FAM135B: variants seen among roughly 807,000 people sequenced by gnomAD.
FAM135B encodes family with sequence similarity 135 member B.
FAM135B carries 43 observed loss-of-function variants against 127.7 expected under a neutral mutation model. The observed-to-expected ratio is 0.34, with a 90% confidence interval of 0.26 to 0.43. FAM135B has a LOEUF of 0.43. Ranked by LOEUF, FAM135B falls within the 20% of genes least tolerant of loss-of-function variation. The pLI is 1.00. For synonymous variants in FAM135B, 670 were observed against 665.1 expected (o/e 1.01, Z -0.11); for missense variants, 1,558 against 1,725.6 (o/e 0.90, Z 1.72).
chr8:138,282,986 C>T (rs917198401), intron 3 of FAM135B, among the ~76,000 whole-genome samples: 1 of 150,650 alleles, frequency 6.6e-6, no homozygotes, highest in African/African-American at 2.4e-5. Flanking sequence ...CTGCAACCTC[C>T]GCCTCCTGGG....
rs1816188831 is a variant in FAM135B at position 138,131,175 on chromosome 8, T to TG, written c.*1417_*1418insC. The TG allele has an allele frequency of 6.6e-6, 1 of 152,210 alleles. No individual in the cohort carries two copies. Among genetic ancestry groups the TG allele is most frequent in the Non-Finnish European group, 1.5e-5 (1 of 68,038 alleles). The allele number at this position is 152,210 out of a possible 1,614,324, so 9.4% of individuals were successfully genotyped here. ...CAGTGACCTAGAGTCATGGTCTAGG[T>TG]ATTGAGAACCCTGGTCCTAGATGCG... On this transcript the variant is annotated 3_prime_UTR_variant, in exon 20 of 20. Coordinates refer to ENST00000395297, the MANE Select transcript of FAM135B (RefSeq NM_015912.4).
chr8:138,279,909 CT>C (rs1824128048), intron 3 of FAM135B, among the ~76,000 whole-genome samples: 1 of 152,320 alleles, frequency 6.6e-6, no homozygotes, highest in African/African-American at 2.4e-5. Context: ...CAAATGAGCA[CT>C]TGAGTGTTAG....
chr8:138,213,759 A>C lies in FAM135B; in HGVS notation c.670-16090T>G, dbSNP rs142438395. Reference sequence around the variant, plus strand: ...GTACAAAGGAGGGAAAGTCCAATGAACTCACTTAGAAGTAGAGGGGAAGCA... The same window carrying C: ...GTACAAAGGAGGGAAAGTCCAATGACCTCACTTAGAAGTAGAGGGGAAGCA... On this transcript the variant is annotated intron_variant, in intron 7 of 19. Transcript: ENST00000395297. Among the ~76,000 whole-genome samples, 3 of 152,198 alleles carry C rather than the reference A, an allele frequency of 2.0e-5. No homozygotes were observed. The East Asian group carries it at 5.8e-4, about 29-fold the overall frequency.
At chr8:138,353,608 A>G (rs1455342226) in intron 2 of FAM135B, among the ~76,000 whole-genome samples, 2 of 152,188 alleles carry the variant, frequency 1.3e-5, no homozygotes, top group Non-Finnish European at 2.9e-5. Context: ...TTTAGACTTC[A>G]TAATACTGGC....
chr8:138,200,186 T>G (rs2131160042), intron 7 of FAM135B, among the ~76,000 whole-genome samples: 1 of 152,364 alleles, frequency 6.6e-6, no homozygotes, highest in Non-Finnish European at 1.5e-5. Context: ...GATTAAAAGC[T>G]TGTCAAATTC....
At chr8:138,454,795 C>T (rs1175562541) in intron 1 of FAM135B, among the ~76,000 whole-genome samples, 1 of 152,220 alleles carries the variant, frequency 6.6e-6, no homozygotes, top group Admixed American at 6.5e-5. Flanking sequence ...ACCTACTGTG[C>T]ACCAGGCATC....
chr8:138,145,599 G>A (rs1337714297), intron 15 of FAM135B, among the ~76,000 whole-genome samples: 1 of 152,152 alleles, frequency 6.6e-6, no homozygotes, highest in Non-Finnish European at 1.5e-5. Flanking sequence ...TCTGTGTACT[G>A]CATGGTGCAC....
chr8:138,200,759 T>C (rs1817055856), intron 7 of FAM135B, among the ~76,000 whole-genome samples: 1 of 152,244 alleles, frequency 6.6e-6, no homozygotes, highest in Non-Finnish European at 1.5e-5. Context: ...ACTTATAAGT[T>C]GGAGAATGCT....
At chr8:138,181,282 A>G (rs1815007202) in intron 9 of FAM135B, among the ~76,000 whole-genome samples, 1 of 152,172 alleles carries the variant, frequency 6.6e-6, no homozygotes, top group African/African-American at 2.4e-5. Context: ...TGAATGGGGA[A>G]TATGGCGGAC....
At chr8:138,270,771 A>G (rs1165895864) in intron 3 of FAM135B, among the ~76,000 whole-genome samples, 1 of 152,252 alleles carries the variant, frequency 6.6e-6, no homozygotes, top group Non-Finnish European at 1.5e-5. Flanking sequence ...CACCTCTTAC[A>G]GTTCTCACCT....
chr8:138,414,802 T>C (rs970586523), intron 1 of FAM135B, among the ~76,000 whole-genome samples: 21 of 152,038 alleles, frequency 1.4e-4, no homozygotes, highest in African/African-American at 4.1e-4. Flanking sequence ...CACCCCACCT[T>C]CAAACCTGGC....
At chr8:138,329,687 GA>G (rs1343037846) in intron 2 of FAM135B, among the ~76,000 whole-genome samples, 2 of 152,154 alleles carry the variant, frequency 1.3e-5, no homozygotes, top group Non-Finnish European at 2.9e-5. Flanking sequence ...CAGACATGGG[GA>G]AGCTGTAAAC....
At chr8:138,479,065 A>G (rs991405709) in intron 1 of FAM135B, among the ~76,000 whole-genome samples, 5 of 152,200 alleles carry the variant, frequency 3.3e-5, no homozygotes, top group Non-Finnish European at 7.3e-5. Flanking sequence ...ACATCTACTT[A>G]CATGTATCAC....
chr8:138,414,163 C>T (rs949250339), intron 1 of FAM135B, among the ~76,000 whole-genome samples: 7 of 130,732 alleles, frequency 5.4e-5, no homozygotes, highest in Non-Finnish European at 1.0e-4. Context: ...ATAAGAAGCT[C>T]ATTAGCACTT....
intron 7 of FAM135B, among the ~76,000 whole-genome samples, chr8:138,216,490 G>C (rs543072514): frequency 3.2e-4 from 49 of 152,292 alleles, no homozygotes; most frequent in African/African-American, 1.1e-3. Context: ...CACTAATGGA[G>C]AAAGGGAAAG....
intron 1 of FAM135B, among the ~76,000 whole-genome samples, chr8:138,454,529 G>A (rs749946274): frequency 1.4e-4 from 22 of 152,194 alleles, no homozygotes; most frequent in Non-Finnish European, 2.5e-4. Context: ...GGCCAAACAT[G>A]TTCTAATATT....
rs555231679 is a variant in FAM135B, at chr8:138,131,606, A to G, written c.*987T>C. ...TTCTTAGAGCTCCCCTGAGGTTTTA[A>G]TCCAGCACTCCTCCATTTAGATGTT... On this transcript the variant is annotated 3_prime_UTR_variant, in exon 20 of 20. Coordinates refer to ENST00000395297, the MANE Select transcript of FAM135B (RefSeq NM_015912.4). The G allele has an allele frequency of 6.5e-6, 1 of 152,758 alleles. No homozygotes were observed. Among genetic ancestry groups the G allele is most frequent in the Admixed American group, 6.5e-5 (1 of 15,306 alleles). The allele number at this position is 152,758 out of a possible 1,614,324, so 9.5% of individuals were successfully genotyped here.
At chr8:138,217,432 CTTT>C (rs538347463) in intron 7 of FAM135B, among the ~76,000 whole-genome samples, 4 of 129,232 alleles carry the variant, frequency 3.1e-5, no homozygotes, top group Non-Finnish European at 3.2e-5. Context: ...TGATATATTT[CTTT>C]TTTTTTTTTT....
intron 12 of FAM135B, among the ~76,000 whole-genome samples, chr8:138,161,782 C>T (rs866250357): frequency 2.0e-5 from 3 of 152,168 alleles, no homozygotes; most frequent in Non-Finnish European, 2.9e-5. Context: ...CACGACCTAC[C>T]GCAAGTTAGA....
Sources: gnomAD v4.1 joint callset for allele counts (sites outside exome capture counted in the v4.1 genomes callset) on GRCh38, gnomAD v4.1.1 for gene constraint, MANE v1.5 for transcripts, NCBI Gene and HGNC (gene_info 2026-07-23, HGNC 2026-07-21) for gene names.